Variants in PTPN9 observed in about 807,000 individuals in gnomAD.
PTPN9 encodes tyrosine-protein phosphatase non-receptor type 9.
Under a neutral mutation model 69.8 loss-of-function variants are expected in PTPN9, and 26 were observed. The observed-to-expected ratio is 0.37, with a 90% CI of 0.27 to 0.52. The LOEUF is 0.52. PTPN9 is among the 20% of genes least tolerant of loss of function. The pLI is 0.91. For synonymous variants in PTPN9, 274 were observed against 272.5 expected (o/e 1.01, Z -0.05); for missense variants, 549 against 740.3 (o/e 0.74, Z 3.00).
chr15:75,516,558 C>T (rs1408914992), intron 5 of PTPN9, among the ~76,000 whole-genome samples: 5 of 151,172 alleles, frequency 3.3e-5, no homozygotes, highest in Non-Finnish European at 5.9e-5. Flanking sequence ...GTGATCCGTC[C>T]GCCTCAGCCT....
chr15:75,548,146 T>G (rs1299840929), intron 1 of PTPN9, among the ~76,000 whole-genome samples: 2 of 152,208 alleles, frequency 1.3e-5, no homozygotes, highest in African/African-American at 4.8e-5. Context: ...TGGTAGAGCC[T>G]GAATCAGAAC....
At chr15:75,566,672 C>CT (rs893754146) in intron 1 of PTPN9, among the ~76,000 whole-genome samples, 21 of 149,914 alleles carry the variant, frequency 1.4e-4, no homozygotes, top group African/African-American at 5.2e-4. Context: ...GAGTCTCACT[C>CT]TGTCTCAAAA....
intron 1 of PTPN9, among the ~76,000 whole-genome samples, chr15:75,530,000 G>A (rs1340651719): frequency 2.0e-5 from 3 of 151,512 alleles, no homozygotes; most frequent in African/African-American, 4.9e-5. Flanking sequence ...TCAGGAGCTC[G>A]AGACCAGCCT....
intron 5 of PTPN9, among the ~76,000 whole-genome samples, chr15:75,515,224 G>A (rs1301062806): frequency 6.6e-6 from 1 of 150,830 alleles, no homozygotes; most frequent in Non-Finnish European, 1.5e-5. Context: ...TGAGGAGATC[G>A]AGACCATCTT....
At chr15:75,568,320 C>G (rs1205025345) in intron 1 of PTPN9, among the ~76,000 whole-genome samples, 1 of 151,280 alleles carries the variant, frequency 6.6e-6, no homozygotes, top group Non-Finnish European at 1.5e-5. Flanking sequence ...GAACGAGACC[C>G]TGTCTCTACA....
intron 1 of PTPN9, among the ~76,000 whole-genome samples, chr15:75,575,647 C>T (rs184441574): frequency 0.015 from 2,295 of 152,220 alleles, 27 homozygotes; most frequent in Non-Finnish European, 0.024. Context: ...TGGCTGGGCG[C>T]GGTGGTTCAC....
chr15:75,572,440 T>C (rs978124840), intron 1 of PTPN9, among the ~76,000 whole-genome samples: 4 of 152,196 alleles, frequency 2.6e-5, no homozygotes, highest in African/African-American at 9.6e-5. Flanking sequence ...CCAGGCATGG[T>C]GGCTCATGCC....
At chr15:75,550,167 GTT>G (rs754056439) in intron 1 of PTPN9, among the ~76,000 whole-genome samples, 10 of 138,378 alleles carry the variant, frequency 7.2e-5, no homozygotes, top group Admixed American at 1.4e-4. Context: ...CCCTGTGGTA[GTT>G]TTTTTTTTTT....
At chr15:75,559,552 T>C (rs1410811123) in intron 1 of PTPN9, among the ~76,000 whole-genome samples, 3 of 152,156 alleles carry the variant, frequency 2.0e-5, no homozygotes, top group Non-Finnish European at 4.4e-5. Context: ...TGTGCTTTGT[T>C]GAACAGATGC....
In PTPN9 at chr15:75,578,677, C is replaced by G. The variant is rs1451216663; in HGVS notation, c.63+37G>C. The G allele has an allele frequency of 1.3e-5, 17 of 1,351,320 alleles. No homozygotes were observed. The Admixed American group carries it at 5.4e-4, about 43-fold the overall frequency. The allele number at this position is 1,351,320 out of a possible 1,614,324, so 83.7% of individuals were successfully genotyped here. A position where few individuals can be genotyped will look rare whatever the true frequency, so the allele number is the denominator to read the frequency against. ...GAGGCCGGCGTAGGCCTCGGGGGCCCGGACACACCCAACGCGGCGGCCTCG... is the reference window on the plus strand; with the variant it reads ...GAGGCCGGCGTAGGCCTCGGGGGCCGGGACACACCCAACGCGGCGGCCTCG... On this transcript the variant is annotated intron_variant, in intron 1 of 12. Transcript: ENST00000618819.
chr15:75,559,352 A>G (rs1246281109), intron 1 of PTPN9, among the ~76,000 whole-genome samples: 4 of 152,198 alleles, frequency 2.6e-5, no homozygotes, highest in Non-Finnish European at 5.9e-5. Flanking sequence ...TGGGGAAAAG[A>G]TAGAGAAATC....
At chr15:75,472,400 T>TGTA (rs2074572057) in intron 10 of PTPN9, among the ~76,000 whole-genome samples, 1 of 151,648 alleles carries the variant, frequency 6.6e-6, no homozygotes, top group Admixed American at 6.6e-5. Context: ...GGGCAGAGCC[T>TGTA]GTAGTGAGCT....
intron 9 of PTPN9, among the ~76,000 whole-genome samples, chr15:75,476,610 C>T (rs770015361): frequency 6.6e-6 from 1 of 152,104 alleles, no homozygotes; most frequent in Non-Finnish European, 1.5e-5. Context: ...CCACCGTGCC[C>T]GGCCTGGTTA....
At chr15:75,474,115 C>T (rs1438949031) in intron 9 of PTPN9, among the ~76,000 whole-genome samples, 1 of 152,212 alleles carries the variant, frequency 6.6e-6, no homozygotes, top group South Asian at 2.1e-4. Flanking sequence ...CTGTTTTCAT[C>T]TCACCTAAGC....
intron 8 of PTPN9, among the ~76,000 whole-genome samples, chr15:75,480,243 AG>A (rs2074620845): frequency 6.6e-6 from 1 of 152,214 alleles, no homozygotes; most frequent in Non-Finnish European, 1.5e-5. Flanking sequence ...GGTTAGGCAA[AG>A]CTTTCACAGA....
intron 1 of PTPN9, among the ~76,000 whole-genome samples, chr15:75,547,669 T>C (rs114331604): frequency 3.2e-5 from 2 of 62,308 alleles, no homozygotes; most frequent in African/African-American, 2.6e-4. Flanking sequence ...TATAGGGTTC[T>C]TTTTTTTTTT....
At position 75,527,171 on chromosome 15, in the gene PTPN9, T is replaced by C; in HGVS notation, c.154A>G (p.Met52Val). The C allele has an allele frequency of 6.2e-7, 1 of 1,614,172 alleles. No homozygotes were observed. The highest frequency in any genetic ancestry group is 1.3e-5 in the African/African-American group (1 of 75,050). ...CGGAGCACATCAAACTTCCTTGCCA[T>C]GAGGAACTTGACAGCCACATTCCAA... ...LSWNVAVKFLMARKFDVLRAI... is the reference protein window; with the variant it reads ...LSWNVAVKFLVARKFDVLRAI... Residue 52 changes from methionine to valine, a missense_variant, in exon 2 of 13, where the codon ATG becomes GTG. This residue lies in a region of PTPN9 where 457 missense variants were observed against 661.9 expected (regional missense o/e 0.69). Coordinates refer to ENST00000618819, the MANE Select transcript of PTPN9 (RefSeq NM_002833.4).
intron 1 of PTPN9, among the ~76,000 whole-genome samples, chr15:75,564,311 T>C (rs1458798957): frequency 1.3e-5 from 2 of 152,040 alleles, no homozygotes; most frequent in African/African-American, 4.8e-5. Flanking sequence ...TGACACCACA[T>C]TGGCCAGGTG....
intron 1 of PTPN9, among the ~76,000 whole-genome samples, chr15:75,540,559 A>AAAG (rs1555456493): frequency 3.0e-4 from 32 of 106,736 alleles, no homozygotes; most frequent in African/African-American, 8.2e-4. Context: ...AAAAAAAAAA[A>AAAG]AAAGAAAGAA....
Sources: allele counts gnomAD v4.1 joint callset (sites outside exome capture counted in the v4.1 genomes callset), GRCh38; gene constraint gnomAD v4.1.1; regional missense constraint gnomAD v4.1.1; transcripts MANE v1.5; gene names NCBI Gene and HGNC (gene_info 2026-07-23, HGNC 2026-07-21).